BAHD1: variants seen among roughly 807,000 people sequenced by gnomAD.
BAHD1 encodes bromo adjacent homology domain containing 1, also known as bromo adjacent homology domain-containing 1 protein.
A neutral mutation model predicts 63.1 loss-of-function variants in BAHD1; 20 were observed. The ratio of observed to expected loss-of-function variants is 0.32; its 90% confidence interval spans 0.22 to 0.46. The LOEUF is 0.46. BAHD1 is among the 20% of genes least tolerant of loss of function. The probability of loss-of-function intolerance (pLI) is 1.00; values close to 1 mark genes in which losing one functional copy is unlikely to be tolerated. For missense variants in BAHD1, 939 were observed against 1,071.8 expected (o/e 0.88, Z 1.73); for synonymous variants, 408 against 426.8 (o/e 0.96, Z 0.54).
intron 1 of BAHD1, among the ~76,000 whole-genome samples, chr15:40,444,446 C>T (rs1471064154): frequency 2.0e-5 from 3 of 152,212 alleles, no homozygotes; most frequent in Non-Finnish European, 1.5e-5. Flanking sequence ...CCTCCTACCT[C>T]ACCGGACCAC....
chr15:40,444,682 G>C (rs1363060240), intron 1 of BAHD1, among the ~76,000 whole-genome samples: 2 of 152,094 alleles, frequency 1.3e-5, no homozygotes, highest in Non-Finnish European at 2.9e-5. Flanking sequence ...GGCACAATCA[G>C]CCCCACATTG....
chr15:40,455,981 T>C (rs1175690065), intron 1 of BAHD1, among the ~76,000 whole-genome samples: 1 of 152,130 alleles, frequency 6.6e-6, no homozygotes, highest in East Asian at 1.9e-4. Context: ...GTTGTTGTTG[T>C]TGTTGTTTTG....
chr15:40,459,477 CT>C lies in BAHD1; in HGVS notation c.1014del (p.Lys339SerfsTer38). 1 of 1,613,910 alleles carries C rather than the reference CT, an allele frequency of 6.2e-7. No homozygotes were observed. Among genetic ancestry groups the C allele is most frequent in the Non-Finnish European group, 8.5e-7 (1 of 1,180,008 alleles). ...CGCCCAGGCGAGGAGTCACCTGCCCCTAAGCAGGAACTGCATCAGCCCTCTT... is the reference window on the plus strand; with the variant it reads ...CGCCCAGGCGAGGAGTCACCTGCCCCAAGCAGGAACTGCATCAGCCCTCTT... ...PGRPGEESPAPKQELHQPSFP... is the reference protein window; with the variant it reads ...PGRPGEESPAXKQELHQPSFP... On this transcript the variant is annotated frameshift_variant, in exon 2 of 7. Coordinates refer to ENST00000416165, the MANE Select transcript of BAHD1 (RefSeq NM_014952.5). LOFTEE classifies it high-confidence loss of function.
intron 1 of BAHD1, among the ~76,000 whole-genome samples, chr15:40,441,914 A>G (rs554546858): frequency 6.6e-6 from 1 of 150,986 alleles, no homozygotes; most frequent in Admixed American, 6.6e-5. Context: ...ACCCGACTCG[A>G]TCGGGCTGAG....
At chr15:40,464,639 G>A in intron 5 of BAHD1, 92 bp downstream of exon 5, 3 of 1,089,236 alleles carry the variant, frequency 2.8e-6, no homozygotes, top group Non-Finnish European at 4.1e-6. Context: ...GCAGCCATGG[G>A]CTGTAGTCAA....
chr15:40,444,109 CTGTG>C (rs10692881), intron 1 of BAHD1, among the ~76,000 whole-genome samples: 1 of 150,116 alleles, frequency 6.7e-6, no homozygotes, highest in Non-Finnish European at 1.5e-5. Flanking sequence ...TGTTAAACCT[CTGTG>C]TGTGTGTGTG....
chr15:40,459,190 C>G lies in BAHD1; in HGVS notation c.726C>G (p.Pro242=). 1.2e-6 allele frequency: 2 copies of G among 1,612,356 alleles called. No homozygotes were observed. Among genetic ancestry groups the G allele is most frequent in the South Asian group, 1.1e-5 (1 of 91,006 alleles). ...VDGRSTEPPA[P]KAPRPKWPKV... is the part of the protein sequence containing the mutation. ...GGCGCTCCACTGAGCCCCCAGCACC[C>G]AAGGCCCCGAGGCCAAAGTGGCCCA... The change falls in exon 2 of 7, where the codon CCC becomes CCG. Residue 242 remains proline, a synonymous_variant. Coordinates refer to ENST00000416165, the MANE Select transcript of BAHD1 (RefSeq NM_014952.5).
chr15:40,455,039 C>G (rs1329903537), intron 1 of BAHD1, among the ~76,000 whole-genome samples: 1 of 152,224 alleles, frequency 6.6e-6, no homozygotes, highest in African/African-American at 2.4e-5. Context: ...CACATGCTCT[C>G]CCCAGAATGG....
chr15:40,438,282 A>C (rs924455885), upstream of BAHD1, among the ~76,000 whole-genome samples: 1 of 152,184 alleles, frequency 6.6e-6, no homozygotes, highest in African/African-American at 2.4e-5. Context: ...CCAGTTGCAG[A>C]GGTCCCTGAA....
intron 2 of BAHD1, 32 bp from the exon 3 acceptor site, chr15:40,461,880 G>A (rs370925673): frequency 9.7e-5 from 151 of 1,556,476 alleles, no homozygotes; most frequent in South Asian, 4.8e-4. Context: ...GTCACTGCTT[G>A]TCCTGTCCTG....
chr15:40,440,905 TG>T (rs1261632853), upstream of BAHD1, among the ~76,000 whole-genome samples: 3 of 152,016 alleles, frequency 2.0e-5, no homozygotes, highest in African/African-American at 7.2e-5. Context: ...GCTGATTGGC[TG>T]GGGACGAGGA....
rs1893379981 is a variant in BAHD1 at position 40,440,983 on chromosome 15, C to T, written c.-300C>T. 6.6e-6 allele frequency among the ~76,000 whole-genome samples: 1 copy of T among 150,912 alleles called. No individual in the cohort carries two copies. The highest frequency in any genetic ancestry group is 2.4e-5 in the African/African-American group (1 of 41,332). On this transcript the variant is annotated 5_prime_UTR_variant, in exon 1 of 7. Coordinates refer to ENST00000416165, the MANE Select transcript of BAHD1 (RefSeq NM_014952.5). ...TGTGGGGGAACCGCGAGCGGCGTAG[C>T]GGATCCCGGAGCCCGGCCCCCGCCG...
Position 40,458,727 on chromosome 15 carries a change from A to C in BAHD1, c.263A>C (p.Glu88Ala). ...GTGGCCGGTCCCCGGAGTGCAGATGAGGCTGATGAGCTACCGCCTGACCTG... is the reference window on the plus strand; with the variant it reads ...GTGGCCGGTCCCCGGAGTGCAGATGCGGCTGATGAGCTACCGCCTGACCTG... The part of the protein sequence containing the change: ...ENVAGPRSAD[E>A]ADELPPDLPK... The change falls in exon 2 of 7, where the codon GAG (glutamate) becomes GCG (alanine). Residue 88 changes from glutamate (E) to alanine (A), a missense_variant. Physicochemically the swap from Glu to Ala is moderately radical, Grantham distance 107 (BLOSUM62 -1). Coordinates refer to ENST00000416165, the MANE Select transcript of BAHD1 (RefSeq NM_014952.5). The surrounding 1 kb of genome is among the most constrained non-coding windows in gnomAD (Gnocchi z 4.7). 6.2e-7 allele frequency: 1 copy of C among 1,613,558 alleles called. No homozygotes were observed. Among genetic ancestry groups the C allele is most frequent in the Non-Finnish European group, 8.5e-7 (1 of 1,180,028 alleles).
In BAHD1 at chr15:40,458,940, G is replaced by C. The variant is rs764498612; in HGVS notation, c.476G>C (p.Arg159Pro). 5 of 1,593,940 alleles carry C rather than the reference G, an allele frequency of 3.1e-6. No individual in the cohort carries two copies. The highest frequency in any genetic ancestry group is 4.3e-6 in the Non-Finnish European group (5 of 1,168,894). ...GDPHRSRDRD[R>P]ATGGWSSSKK... ...CCCCACCGCAGCCGTGACCGTGATCGTGCTACTGGGGGCTGGTCCTCCTCC... is the reference window on the plus strand; with the variant it reads ...CCCCACCGCAGCCGTGACCGTGATCCTGCTACTGGGGGCTGGTCCTCCTCC... Residue 159 changes from arginine (R) to proline (P), a missense_variant, in exon 2 of 7, where the codon CGT (arginine) becomes CCT (proline). By Grantham distance (103) the Arg-to-Pro change is moderately radical. Coordinates refer to ENST00000416165, the MANE Select transcript of BAHD1 (RefSeq NM_014952.5). This position sits in a 1 kb window ranked among gnomAD's most constrained non-coding sequence, Gnocchi z 4.7.
chr15:40,459,942 T>C (rs1383360770), intron 2 of BAHD1, 46 bp downstream of exon 2: 2 of 1,521,662 alleles, frequency 1.3e-6, no homozygotes, highest in South Asian at 1.3e-5. Flanking sequence ...CTCGGAGACA[T>C]GGCATCCCAG....
upstream of BAHD1, among the ~76,000 whole-genome samples, chr15:40,440,180 G>A (rs1474248355): frequency 1.3e-5 from 2 of 152,190 alleles, no homozygotes; most frequent in South Asian, 2.1e-4. Context: ...TTCTGAAGAG[G>A]GTGAATTAGG....
rs1183168043 is a variant in BAHD1 at position 40,466,751 on chromosome 15, T to C, written c.*621T>C. 2 of 152,454 alleles carry C rather than the reference T, an allele frequency of 1.3e-5. No homozygotes were observed. Among genetic ancestry groups the C allele is most frequent in the African/African-American group, 4.8e-5 (2 of 41,446 alleles). 9.4% of individuals were successfully genotyped at this position (152,454 alleles called of 1,614,324 possible). A position where few individuals can be genotyped will look rare whatever the true frequency, so the allele number is the denominator to read the frequency against. On this transcript the variant is annotated 3_prime_UTR_variant, in exon 7 of 7. Transcript: ENST00000416165. ...CAGTAGCAACTGGTGCTGGGACAAG[T>C]TGACCCACCTCTCACAGTCATGGGT...
chr15:40,463,527 GT>G (rs748404167), intron 3 of BAHD1, among the ~76,000 whole-genome samples: 10 of 152,180 alleles, frequency 6.6e-5, no homozygotes, highest in Non-Finnish European at 1.5e-4. Context: ...TATAACAGTG[GT>G]TTAAGGGTTC....
chr15:40,438,805 G>A (rs889328957), upstream of BAHD1, among the ~76,000 whole-genome samples: 1 of 152,190 alleles, frequency 6.6e-6, no homozygotes, highest in East Asian at 1.9e-4. Context: ...TCCTCTTCTG[G>A]CCCTCCCGGC....
Sources: gnomAD v4.1 joint callset for allele counts (sites outside exome capture counted in the v4.1 genomes callset) on GRCh38, gnomAD v4.1.1 for gene constraint, Gnocchi (gnomAD v3.1) non-coding constraint, MANE v1.5 for transcripts, NCBI Gene and HGNC (gene_info 2026-07-23, HGNC 2026-07-21) for gene names.